The following IGFBPL1 variants were observed in gnomAD, a reference collection of about 807,000 sequenced individuals.
IGFBPL1 encodes the protein insulin like growth factor binding protein like 1, also known as insulin-like growth factor-binding protein-like 1.
IGFBPL1 carries 20 observed loss-of-function variants against 23.9 expected under a neutral mutation model. The observed-to-expected ratio is 0.84, with a 90% CI of 0.59 to 1.22. The LOEUF (loss-of-function observed/expected upper bound fraction) is 1.22, where lower values mean the gene tolerates loss of function less well. Ranked by LOEUF, IGFBPL1 falls within the 50% of genes most tolerant of loss-of-function variation. The pLI is 0.00. For missense variants in IGFBPL1, 436 were observed against 379.3 expected (o/e 1.15, Z -1.24); for synonymous variants, 184 against 171.8 (o/e 1.07, Z -0.56).
In IGFBPL1 at chr9:38,408,056, C is replaced by T. The variant is rs1343918020; in HGVS notation, c.*1171G>A. ...CCACAGTCTGGAGATAACACCTGAC[C>T]CCTTTTTTTACAATTTGATCGTCAG... On this transcript the variant is annotated 3_prime_UTR_variant, in exon 5 of 5. Transcript: ENST00000377694. Among the ~76,000 whole-genome samples the T allele has an allele frequency of 6.6e-6, 1 of 151,882 alleles. No individual in the cohort carries two copies. The highest frequency in any genetic ancestry group is 1.5e-5 in the Non-Finnish European group (1 of 67,990).
Position 38,413,332 on chromosome 9 carries a change from T to G in IGFBPL1, c.592A>C (p.Thr198Pro), listed in dbSNP as rs546403335. The G allele has an allele frequency of 2.5e-6, 4 of 1,613,534 alleles. 1 individual carries two copies. The South Asian group carries it at 4.4e-5, about 18-fold the overall frequency. The change falls in exon 3 of 5, where the codon ACC becomes CCC. Residue 198 changes from threonine to proline, a missense_variant. Coordinates refer to ENST00000377694, the MANE Select transcript of IGFBPL1 (RefSeq NM_001007563.3). ...WRKVTKSPEG[T>P]QALEELPGDH... ...CCAGGCAGCTCCTCCAGTGCTTGGG[T>G]GCCCTCAGGGGACTTCGTGACCTAC... is the stretch of plus-strand genomic sequence containing the variant.
intron 4 of IGFBPL1, among the ~76,000 whole-genome samples, chr9:38,410,326 C>CA (rs367784152): frequency 1.3e-5 from 2 of 151,770 alleles, no homozygotes. Context: ...ACTAAAAATA[C>CA]AAAAAAATTA....
chr9:38,424,300 C>T lies in IGFBPL1; in HGVS notation c.125G>A (p.Arg42Gln), dbSNP rs1419964674. ...CGCAGGCGCCGGGCAGCCCTCTGGCCGGCACGGACCACACTTGGGGCGCCG... is the reference window on the plus strand; with the variant it reads ...CGCAGGCGCCGGGCAGCCCTCTGGCTGGCACGGACCACACTTGGGGCGCCG... ...GGRRPKCGPC[R>Q]PEGCPAPAPC... The change falls in exon 1 of 5, where the codon CGG becomes CAG. Residue 42 changes from arginine to glutamine, a missense_variant. By Grantham distance (43) the Arg-to-Gln change is conservative (BLOSUM62 1). Coordinates refer to ENST00000377694, the MANE Select transcript of IGFBPL1 (RefSeq NM_001007563.3). The T allele has an allele frequency of 1.6e-6, 2 of 1,262,252 alleles. No homozygotes were observed. The highest frequency in any genetic ancestry group is 1.6e-5 in the African/African-American group (1 of 63,716). 78.2% of individuals were successfully genotyped at this position (1,262,252 alleles called of 1,614,324 possible). A position where few individuals can be genotyped will look rare whatever the true frequency, so the allele number is the denominator to read the frequency against.
At position 38,423,994 on chromosome 9, in the gene IGFBPL1, T is replaced by C. The variant is rs1821720104; in HGVS notation, c.431A>G (p.His144Arg). The C allele has an allele frequency of 2.8e-6, 4 of 1,410,756 alleles. No homozygotes were observed. The highest frequency in any genetic ancestry group is 1.8e-4 in the Middle Eastern group (1 of 5,522). The allele number at this position is 1,410,756 out of a possible 1,614,324, so 87.4% of individuals were successfully genotyped here. A position where few individuals can be genotyped will look rare whatever the true frequency, so the allele number is the denominator to read the frequency against. ...CTCGCAAGGGCCGTCGCGCGCCTTG[T>C]GCAGGTGACCGGGGTGCGCGCGGGG... ...HTPRAHPGHL[H>R]KARDGPCEFA... Residue 144 changes from histidine (H) to arginine (R), a missense_variant, in exon 1 of 5, where the codon CAC becomes CGC. Transcript: ENST00000377694.
Position 38,423,958 on chromosome 9 carries a change from G to A in IGFBPL1, c.460+7C>T. On this transcript the variant is annotated splice_region_variant and intron_variant, in intron 1 of 4. Transcript: ENST00000377694. Reference sequence around the variant, plus strand: ...CTCTACCCACCCAATCCCCGACCCTGACTCACCGAACTCGCAAGGGCCGTC... The same window carrying A: ...CTCTACCCACCCAATCCCCGACCCTAACTCACCGAACTCGCAAGGGCCGTC... 1 of 1,382,692 alleles carries A rather than the reference G, an allele frequency of 7.2e-7. No homozygotes were observed. The highest frequency in any genetic ancestry group is 1.6e-5 in the South Asian group (1 of 60,826). The allele number at this position is 1,382,692 out of a possible 1,614,324, so 85.7% of individuals were successfully genotyped here.
At chr9:38,410,482 CA>C (rs1345601056) in intron 4 of IGFBPL1, among the ~76,000 whole-genome samples, 13,030 of 80,140 alleles carry the variant, frequency 0.16, 602 homozygotes, top group South Asian at 0.27. Context: ...GACTCTGTCT[CA>C]AAAAAAAAAA....
chr9:38,419,572 C>T (rs1446520161), intron 1 of IGFBPL1, among the ~76,000 whole-genome samples: 3 of 152,108 alleles, frequency 2.0e-5, no homozygotes, highest in African/African-American at 2.4e-5. Flanking sequence ...AATGCCCTGG[C>T]GGGTGCTGGC....
intron 4 of IGFBPL1, among the ~76,000 whole-genome samples, chr9:38,410,293 T>G (rs148231094): frequency 6.6e-6 from 1 of 151,936 alleles, no homozygotes. Context: ...CCATCCTGGC[T>G]AACACGGTGA....
chr9:38,413,894 G>A (rs1821552879), intron 2 of IGFBPL1, among the ~76,000 whole-genome samples, 200 bp downstream of exon 2: 1 of 152,118 alleles, frequency 6.6e-6, no homozygotes, highest in Non-Finnish European at 1.5e-5. Flanking sequence ...GGAGAGGTTT[G>A]GGGTAGAAGT....
rs1587410053 is a variant in IGFBPL1, at chr9:38,406,665, C to T, written c.*2562G>A. Among the ~76,000 whole-genome samples the T allele has an allele frequency of 2.0e-5, 3 of 152,152 alleles. No homozygotes were observed. The highest frequency in any genetic ancestry group is 7.2e-5 in the African/African-American group (3 of 41,432). On this transcript the variant is annotated 3_prime_UTR_variant, in exon 5 of 5. Transcript: ENST00000377694. ...CGTCTCCAAATGCTAACAGCTGTGGCAGCGCATGCTCTCTTAGCCTCTGAA... is the reference window on the plus strand; with the variant it reads ...CGTCTCCAAATGCTAACAGCTGTGGTAGCGCATGCTCTCTTAGCCTCTGAA...
chr9:38,411,306 CTTCT>C, intron 4 of IGFBPL1, 81 bp downstream of exon 4: 1 of 1,219,010 alleles, frequency 8.2e-7, no homozygotes, highest in South Asian at 1.5e-5. Flanking sequence ...ACGTATTTTT[CTTCT>C]TTTTTTTACA....
At chr9:38,415,889 AT>A (rs1225979686) in intron 1 of IGFBPL1, among the ~76,000 whole-genome samples, 8 of 151,882 alleles carry the variant, frequency 5.3e-5, no homozygotes, top group Non-Finnish European at 8.8e-5. Flanking sequence ...CTCCCCCTCT[AT>A]CTGATCCACC....
rs2118304155 is a variant in IGFBPL1, at chr9:38,413,293, T to C, written c.631A>G (p.Ile211Val). Reference protein sequence around the residue: ...LEELPGDHVNIAVQVRGGPSD... With the variant: ...LEELPGDHVNVAVQVRGGPSD... ...GGGCCCCCTCGCACTTGGACAGCTA[T>C]ATTGACATGGTCCCCAGGCAGCTCC... Residue 211 changes from isoleucine to valine, a missense_variant, in exon 3 of 5, where the codon ATA becomes GTA. Physicochemically the swap from Ile to Val is conservative, Grantham distance 29. Coordinates refer to ENST00000377694, the MANE Select transcript of IGFBPL1 (RefSeq NM_001007563.3). The C allele has an allele frequency of 2.5e-6, 4 of 1,614,132 alleles. No homozygotes were observed. The highest frequency in any genetic ancestry group is 1.1e-5 in the South Asian group (1 of 91,058).
Position 38,408,552 on chromosome 9 carries a change from GA to G in IGFBPL1, c.*674del, listed in dbSNP as rs1235368996. Among the ~76,000 whole-genome samples the G allele has an allele frequency of 6.6e-6, 1 of 152,174 alleles. No individual in the cohort carries two copies. The highest frequency in any genetic ancestry group is 2.4e-5 in the African/African-American group (1 of 41,438). On this transcript the variant is annotated 3_prime_UTR_variant, in exon 5 of 5. Transcript: ENST00000377694. ...CCTAAAACTAAATCTCCTTCAAAGG[GA>G]AAAAGTTAGGAATAGAAGAGCTACA...
chr9:38,412,957 T>G (rs1289559745), intron 3 of IGFBPL1, among the ~76,000 whole-genome samples: 1 of 152,156 alleles, frequency 6.6e-6, no homozygotes, highest in Non-Finnish European at 1.5e-5. Flanking sequence ...CTCAGCTGTT[T>G]AGCAACCACA....
chr9:38,418,804 C>G (rs1189656077), intron 1 of IGFBPL1, among the ~76,000 whole-genome samples: 2 of 152,052 alleles, frequency 1.3e-5, no homozygotes, highest in African/African-American at 4.8e-5. Flanking sequence ...AAGGGCTAAC[C>G]AGCAGGTAAG....
Position 38,424,050 on chromosome 9 carries a change from GACGCTGGGGTACGAGCGACCGTCGGAGC to G in IGFBPL1, c.347_374del (p.Gly116AlafsTer54). 7.1e-7 allele frequency: 1 copy of G among 1,400,460 alleles called. No homozygotes were observed. The highest frequency in any genetic ancestry group is 9.2e-7 in the Non-Finnish European group (1 of 1,084,994). 86.8% of individuals were successfully genotyped at this position (1,400,460 alleles called of 1,614,324 possible). On this transcript the variant is annotated frameshift_variant, in exon 1 of 5. Transcript: ENST00000377694. LOFTEE classifies it high-confidence loss of function. ...GCCGAGCGCGCAGGCGCAGCGCGCA[GACGCTGGGGTACGAGCGACCGTCGGAGC>G]CGCAGACGGTGCCGCGCTGCGCGCA...
At chr9:38,412,872 C>G in intron 3 of IGFBPL1, among the ~76,000 whole-genome samples, 1 of 152,208 alleles carries the variant, frequency 6.6e-6, no homozygotes, top group Non-Finnish European at 1.5e-5. Flanking sequence ...TTCCCTCTTC[C>G]ACACTTAAAG....
chr9:38,422,017 A>C (rs1373053269), intron 1 of IGFBPL1, among the ~76,000 whole-genome samples: 3 of 152,230 alleles, frequency 2.0e-5, no homozygotes, highest in Non-Finnish European at 4.4e-5. Flanking sequence ...CATAGATCAG[A>C]GTGAAGGGGC....
Sources: gnomAD v4.1 joint callset for allele counts (sites outside exome capture counted in the v4.1 genomes callset) on GRCh38, gnomAD v4.1.1 for gene constraint, MANE v1.5 for transcripts, NCBI Gene and HGNC (gene_info 2026-07-23, HGNC 2026-07-21) for gene names.